Variants in RIMS2 observed in about 807,000 individuals in gnomAD.
RIMS2 encodes regulating synaptic membrane exocytosis protein 2.
Under a neutral mutation model 174.4 loss-of-function variants are expected in RIMS2, and 59 were observed. The observed-to-expected ratio is 0.34, with a 90% confidence interval of 0.27 to 0.42. The LOEUF (loss-of-function observed/expected upper bound fraction) is 0.42. Among genes scored for constraint, RIMS2 ranks in the 10% least tolerant of loss-of-function variants. The pLI, the probability that RIMS2 is intolerant of heterozygous loss-of-function variation, is 1.00. For synonymous variants in RIMS2, 606 were observed against 572.5 expected (o/e 1.06, Z -0.84); for missense variants, 1,620 against 1,666.3 (o/e 0.97, Z 0.48).
chr8:103,550,133 C>T (rs962996770), intron 1 of RIMS2, among the ~76,000 whole-genome samples: 3 of 152,150 alleles, frequency 2.0e-5, no homozygotes, highest in East Asian at 1.9e-4. Context: ...CACTCTCCAC[C>T]CCAAATCAAC....
intron 3 of RIMS2, among the ~76,000 whole-genome samples, chr8:103,792,448 A>T (rs2098508319): frequency 6.6e-6 from 1 of 152,178 alleles, no homozygotes; most frequent in Non-Finnish European, 1.5e-5. Flanking sequence ...TTATAGCACT[A>T]AATGCCCACA....
At position 104,118,347 on chromosome 8, in the gene RIMS2, A is replaced by ATTTTTTGT. The variant is rs201718374; in HGVS notation, c.3334+103755_3334+103762dup. Among the ~76,000 whole-genome samples, 262 of 140,652 alleles carry ATTTTTTGT rather than the reference A, an allele frequency of 1.9e-3. 2 individuals carry two copies. The highest frequency in any genetic ancestry group is 2.6e-3 in the South Asian group (11 of 4,234). 92.3% of individuals were successfully genotyped at this position (140,652 alleles called of 152,430 possible). A position where few individuals can be genotyped will look rare whatever the true frequency, so the allele number is the denominator to read the frequency against. On this transcript the variant is annotated intron_variant, in intron 19 of 23. Transcript: ENST00000504942. ...AATTATTGGGGTTTTTTGTTTGTTT[A>ATTTTTTGT]TTTTTTGTTTTTTTGTTTTTTTGTT... is the stretch of plus-strand genomic sequence containing the variant.
chr8:103,605,744 G>A lies in RIMS2; in HGVS notation c.177-91342G>A, dbSNP rs568525688. Among the ~76,000 whole-genome samples the A allele has an allele frequency of 5.9e-3, 901 of 152,036 alleles. 9 individuals are homozygous for A. The highest frequency in any genetic ancestry group is 0.02 in the African/African-American group (846 of 41,440). On this transcript the variant is annotated intron_variant, in intron 1 of 23. Transcript: ENST00000504942. Reference sequence around the variant, plus strand: ...TTAGTCTTGGGAGAGTGTATGTGTCGAGGAATTTATCCATTTCTGCTAGAT... The same window carrying A: ...TTAGTCTTGGGAGAGTGTATGTGTCAAGGAATTTATCCATTTCTGCTAGAT...
At chr8:103,904,213 GT>G (rs974549670) in intron 4 of RIMS2, among the ~76,000 whole-genome samples, 1 of 151,858 alleles carries the variant, frequency 6.6e-6, no homozygotes, top group Admixed American at 6.6e-5. Flanking sequence ...GACATTTTGA[GT>G]TTTTTTCCAA....
At chr8:104,079,612 T>C (rs976915969) in intron 19 of RIMS2, among the ~76,000 whole-genome samples, 5 of 83,762 alleles carry the variant, frequency 6.0e-5, no homozygotes, top group African/African-American at 2.4e-4. Flanking sequence ...TATATATATA[T>C]ATATATATAT....
intron 1 of RIMS2, among the ~76,000 whole-genome samples, chr8:103,598,621 C>T (rs2094566071): frequency 6.6e-6 from 1 of 152,112 alleles, no homozygotes; most frequent in Admixed American, 6.6e-5. Flanking sequence ...TATACTCTGT[C>T]CTGGCGAAGG....
chr8:103,753,643 T>C (rs1483063111), intron 2 of RIMS2, among the ~76,000 whole-genome samples: 1 of 152,206 alleles, frequency 6.6e-6, no homozygotes, highest in Non-Finnish European at 1.5e-5. Context: ...ACCTTCTTCC[T>C]GGTTTAGTCT....
intron 19 of RIMS2, among the ~76,000 whole-genome samples, chr8:104,106,037 C>CA (rs575916023): frequency 0.12 from 6,936 of 56,808 alleles, 1,474 homozygotes; most frequent in Non-Finnish European, 0.18. Context: ...GACTCTGCCA[C>CA]AAAAAAAAAA....
intron 2 of RIMS2, among the ~76,000 whole-genome samples, chr8:103,706,902 C>T (rs1050911697): frequency 6.6e-6 from 1 of 152,118 alleles, no homozygotes; most frequent in Non-Finnish European, 1.5e-5. Flanking sequence ...TCAGCCTCCT[C>T]TACAAGGCCA....
At chr8:103,939,213 C>T (rs1363008055) in intron 13 of RIMS2, among the ~76,000 whole-genome samples, 1 of 152,242 alleles carries the variant, frequency 6.6e-6, no homozygotes, top group Non-Finnish European at 1.5e-5. Context: ...ACCCCAGCAA[C>T]AAACTTTTAC....
intron 4 of RIMS2, among the ~76,000 whole-genome samples, chr8:103,890,067 T>TA (rs2099234036): frequency 6.6e-6 from 1 of 152,128 alleles, no homozygotes; most frequent in Non-Finnish European, 1.5e-5. Flanking sequence ...TGAGACTGTG[T>TA]ATACACAATA....
intron 1 of RIMS2, among the ~76,000 whole-genome samples, chr8:103,607,985 C>T (rs1481896387): frequency 6.8e-6 from 1 of 146,788 alleles, no homozygotes; most frequent in Non-Finnish European, 1.5e-5. Flanking sequence ...TCGTCTGAAG[C>T]CTTCTTCTCT....
At chr8:103,759,767 G>C (rs2098088193) in intron 2 of RIMS2, among the ~76,000 whole-genome samples, 1 of 152,146 alleles carries the variant, frequency 6.6e-6, no homozygotes, top group African/African-American at 2.4e-5. Context: ...TGGAATAGAG[G>C]GTCATTCAGG....
chr8:103,720,625 G>A (rs1210259879), intron 2 of RIMS2, among the ~76,000 whole-genome samples: 5 of 152,100 alleles, frequency 3.3e-5, no homozygotes, highest in African/African-American at 9.7e-5. Context: ...TAAACCTGAC[G>A]AAGACCAGCA....
chr8:103,921,992 TAA>T (rs2077765819), intron 10 of RIMS2: 1 of 320,192 alleles, frequency 3.1e-6, no homozygotes, highest in East Asian at 5.9e-5. Context: ...TGAAATTTAA[TAA>T]AAGTTACATT....
chr8:103,925,421 T>A (rs2173080), intron 10 of RIMS2, among the ~76,000 whole-genome samples: 1 of 151,498 alleles, frequency 6.6e-6, no homozygotes, highest in African/African-American at 2.4e-5. Context: ...AAAAACTTTC[T>A]ATAAATGACA....
At chr8:103,965,888 G>A (rs75619736) in intron 15 of RIMS2, among the ~76,000 whole-genome samples, 1,715 of 151,990 alleles carry the variant, frequency 0.011, 42 homozygotes, top group African/African-American at 0.039. Context: ...TCTTTTCTCC[G>A]TCTATTGATT....
intron 1 of RIMS2, among the ~76,000 whole-genome samples, chr8:103,555,364 A>G (rs980268861): frequency 1.3e-5 from 2 of 152,196 alleles, no homozygotes; most frequent in African/African-American, 4.8e-5. Flanking sequence ...AAGGTAAAAT[A>G]TATGTTTTGG....
intron 19 of RIMS2, among the ~76,000 whole-genome samples, chr8:104,075,998 T>A (rs2097283431): frequency 6.6e-6 from 1 of 152,218 alleles, no homozygotes; most frequent in Non-Finnish European, 1.5e-5. Flanking sequence ...TTTTAATTAG[T>A]CACCTGACGT....
Sources: gnomAD v4.1 joint callset for allele counts (sites outside exome capture counted in the v4.1 genomes callset) on GRCh38, gnomAD v4.1.1 for gene constraint, MANE v1.5 for transcripts, NCBI Gene and HGNC (gene_info 2026-07-23, HGNC 2026-07-21) for gene names.